Variants in RBPJ observed in about 807,000 individuals in gnomAD.
RBPJ encodes the protein recombination signal binding protein for immunoglobulin kappa J region, also known as recombining binding protein suppressor of hairless.
A neutral mutation model predicts 67.8 loss-of-function variants in RBPJ; 9 were observed. The observed-to-expected ratio is 0.13, with a 90% CI of 0.08 to 0.23. RBPJ has a LOEUF of 0.23. Among genes scored for constraint, RBPJ ranks in the 10% least tolerant of loss-of-function variants. RBPJ has a pLI of 1.00. For missense variants in RBPJ, 305 were observed against 595.6 expected (o/e 0.51, Z 5.08); for synonymous variants, 198 against 203.3 (o/e 0.97, Z 0.22).
chr4:26,390,564 C>T, intron 2 of RBPJ, among the ~76,000 whole-genome samples: 1 of 152,112 alleles, frequency 6.6e-6, no homozygotes, highest in East Asian at 1.9e-4. Context: ...TTAACATACA[C>T]AACTAAATTG....
At chr4:26,190,860 G>A (rs1457166909) in intron 1 of RBPJ, among the ~76,000 whole-genome samples, 1 of 151,920 alleles carries the variant, frequency 6.6e-6, no homozygotes, top group Non-Finnish European at 1.5e-5. Context: ...GAAATGTATA[G>A]TGTGGCCAGG....
At chr4:26,423,300 C>T (rs1391716468) in intron 5 of RBPJ, among the ~76,000 whole-genome samples, 1 of 152,172 alleles carries the variant, frequency 6.6e-6, no homozygotes, top group Admixed American at 6.5e-5. Flanking sequence ...TTCTTTCTGA[C>T]CTGACTTAGG....
chr4:26,362,768 TGTG>T (rs1348890700), intron 1 of RBPJ: 21 of 688,240 alleles, frequency 3.1e-5, no homozygotes, highest in Non-Finnish European at 4.3e-5. Context: ...TGATTATAGA[TGTG>T]GTTATGGATT....
At position 26,214,889 on chromosome 4, in the gene RBPJ, GA is replaced by G. The variant is rs202052772; in HGVS notation, c.-167+51281del. ...AGAAAATGAAAAAGAAAAAGAGAGAGAAAAAAGAGAAAAAGAAAGAAAAAAG... is the reference window on the plus strand; with the variant it reads ...AGAAAATGAAAAAGAAAAAGAGAGAGAAAAAGAGAAAAAGAAAGAAAAAAG... On this transcript the variant is annotated intron_variant, in intron 1 of 4. Transcript: ENST00000512351. Among the ~76,000 whole-genome samples, 17 of 24,002 alleles carry G rather than the reference GA, an allele frequency of 7.1e-4. 2 individuals are homozygous for G. The highest frequency in any genetic ancestry group is 7.9e-3 in the East Asian group (2 of 254). 15.7% of individuals were successfully genotyped at this position (24,002 alleles called of 152,430 possible). A position where few individuals can be genotyped will look rare whatever the true frequency, so the allele number is the denominator to read the frequency against.
At chr4:26,194,484 C>A (rs1026641785) in intron 1 of RBPJ, among the ~76,000 whole-genome samples, 1 of 152,200 alleles carries the variant, frequency 6.6e-6, no homozygotes, top group Non-Finnish European at 1.5e-5. Flanking sequence ...TGCCCATTGT[C>A]AGATGAGGAA....
chr4:26,270,439 A>AAGAAAGAAAGAAAGAAAGAAAGAAAGAG (rs200729958), intron 1 of RBPJ, among the ~76,000 whole-genome samples: 1 of 100,342 alleles, frequency 1.0e-5, no homozygotes, highest in East Asian at 2.5e-4. Context: ...GAAAGAAAGA[A>AAGAAAGAAAGAAAGAAAGAAAGAAAGAG]GAAAGAAAGA....
chr4:26,251,631 CAAAAA>C (rs763009793), intron 1 of RBPJ, among the ~76,000 whole-genome samples: 8 of 99,712 alleles, frequency 8.0e-5, no homozygotes, highest in African/African-American at 2.5e-4. Context: ...GACTCTTTCT[CAAAAA>C]AAAAAAAAAA....
chr4:26,251,041 T>A (rs1183388691), intron 1 of RBPJ, among the ~76,000 whole-genome samples: 1 of 152,242 alleles, frequency 6.6e-6, no homozygotes, highest in Admixed American at 6.5e-5. Flanking sequence ...TCCTTTACAA[T>A]GTAAAATTGT....
chr4:26,222,419 T>C (rs922423052), intron 1 of RBPJ, among the ~76,000 whole-genome samples: 3 of 142,538 alleles, frequency 2.1e-5, no homozygotes, highest in Non-Finnish European at 4.5e-5. Context: ...GGCTTGAACC[T>C]GGGAGGTGGA....
chr4:26,374,894 A>G (rs1729546785), intron 1 of RBPJ, among the ~76,000 whole-genome samples: 1 of 152,180 alleles, frequency 6.6e-6, no homozygotes, highest in Admixed American at 6.5e-5. Context: ...AATCATGAAC[A>G]TTATAATCTA....
chr4:26,343,493 T>C (rs1454227633), intron 1 of RBPJ, among the ~76,000 whole-genome samples: 1 of 152,132 alleles, frequency 6.6e-6, no homozygotes, highest in Non-Finnish European at 1.5e-5. Flanking sequence ...ATGAATAGTT[T>C]AAGGCATAGT....
At chr4:26,378,023 C>T (rs1729938878) in intron 1 of RBPJ, among the ~76,000 whole-genome samples, 1 of 152,100 alleles carries the variant, frequency 6.6e-6, no homozygotes, top group South Asian at 2.1e-4. Flanking sequence ...ATGTAGACCT[C>T]ATTTCTCTTT....
At chr4:26,123,927 C>CT in the RBPJ span, among the ~76,000 whole-genome samples, 13 of 151,776 alleles carry the variant, frequency 8.6e-5, no homozygotes, top group Non-Finnish European at 1.3e-4. Context: ...TTACAGTTAA[C>CT]TTTTTTTTAA....
chr4:26,285,535 G>T (rs1281984485), intron 1 of RBPJ, among the ~76,000 whole-genome samples: 2 of 151,686 alleles, frequency 1.3e-5, no homozygotes, highest in Non-Finnish European at 2.9e-5. Flanking sequence ...TTTAATAAAT[G>T]AATATTACAG....
At chr4:26,144,267 CTTTTT>C in the RBPJ span, among the ~76,000 whole-genome samples, 1 of 106,068 alleles carries the variant, frequency 9.4e-6, no homozygotes, top group East Asian at 2.9e-4. Flanking sequence ...TAAGAAAATT[CTTTTT>C]TTTTTTTTTT....
intron 1 of RBPJ, among the ~76,000 whole-genome samples, chr4:26,274,962 G>A (rs1004580885): frequency 6.6e-6 from 1 of 151,854 alleles, no homozygotes; most frequent in African/African-American, 2.4e-5. Flanking sequence ...GAAAAGAAAA[G>A]AAAAAAGAAA....
upstream of RBPJ, among the ~76,000 whole-genome samples, chr4:26,316,410 T>C (rs1023687315): frequency 4.9e-5 from 7 of 143,372 alleles, no homozygotes; most frequent in East Asian, 3.9e-4. Flanking sequence ...TTCATATATA[T>C]ACATTCATAT....
At chr4:26,404,835 C>G (rs915831379) in intron 2 of RBPJ, among the ~76,000 whole-genome samples, 3 of 152,190 alleles carry the variant, frequency 2.0e-5, no homozygotes, top group African/African-American at 4.8e-5. Flanking sequence ...CCTCCCACTT[C>G]CTGTGTCTAC....
intron 4 of RBPJ, 53 bp downstream of exon 4, chr4:26,415,693 A>G: frequency 6.8e-7 from 1 of 1,479,294 alleles, no homozygotes; most frequent in Non-Finnish European, 9.1e-7. Context: ...ACCAGAATGT[A>G]GTTTTCATAT....
Sources: gnomAD v4.1 joint callset for allele counts (sites outside exome capture counted in the v4.1 genomes callset) on GRCh38, gnomAD v4.1.1 for gene constraint, MANE v1.5 for transcripts, NCBI Gene and HGNC (gene_info 2026-07-23, HGNC 2026-07-21) for gene names.